Variants in LRRFIP1 observed in about 807,000 individuals in gnomAD.
The protein encoded by LRRFIP1 is LRR binding FLII interacting protein 1.
In LRRFIP1, 62 loss-of-function variants were observed where a neutral mutation model predicts 104.4. The observed-to-expected ratio is 0.59, with a 90% CI of 0.48 to 0.73. The LOEUF is 0.73. Among genes scored for constraint, LRRFIP1 ranks in the 30% least tolerant of loss-of-function variants. The probability of loss-of-function intolerance (pLI) is 0.00; values close to 1 mark genes in which losing one functional copy is unlikely to be tolerated. For synonymous variants in LRRFIP1, 300 were observed against 299.0 expected, an observed-to-expected ratio of 1.00 and a Z score of -0.03; for missense variants, 796 against 824.5, an observed-to-expected ratio of 0.97 and a Z score of 0.42.
intron 23 of LRRFIP1, 30 bp downstream of exon 23, chr2:237,774,492 G>C: frequency 7.0e-7 from 1 of 1,420,536 alleles, no homozygotes. Context: ...TCTAGGAAGA[G>C]AATGGCTGCC....
intron 1 of LRRFIP1, among the ~76,000 whole-genome samples, chr2:237,674,271 G>A (rs1431844483): frequency 1.3e-5 from 2 of 152,184 alleles, no homozygotes; most frequent in Admixed American, 6.5e-5. Flanking sequence ...GGGTATTACA[G>A]GAAAGAGCTC....
In LRRFIP1 at chr2:237,711,865, C is replaced by G. The variant is rs2094110886; in HGVS notation, c.184-2394C>G. Reference sequence around the variant, plus strand: ...AGGAAGCTGCCCTGGGAGACGAGAGCCAGACGAGGAAGGGCCAGCCCAGTC... The same window carrying G: ...AGGAAGCTGCCCTGGGAGACGAGAGGCAGACGAGGAAGGGCCAGCCCAGTC... On this transcript the variant is annotated intron_variant, in intron 2 of 23. Transcript: ENST00000308482. The surrounding 1 kb of genome is among the most constrained non-coding windows in gnomAD (Gnocchi z 4.4). Among the ~76,000 whole-genome samples, 2 of 152,198 alleles carry G rather than the reference C, an allele frequency of 1.3e-5. No individual in the cohort carries two copies. The highest frequency in any genetic ancestry group is 4.8e-5 in the African/African-American group (2 of 41,464).
chr2:237,633,574 G>A (rs1281148533), intron 1 of LRRFIP1, among the ~76,000 whole-genome samples: 5 of 152,162 alleles, frequency 3.3e-5, no homozygotes, highest in East Asian at 3.8e-4. Context: ...AGCCCTGCCC[G>A]TCCCCAGTGA....
chr2:237,666,878 C>A (rs1339742623), intron 1 of LRRFIP1, among the ~76,000 whole-genome samples: 1 of 144,034 alleles, frequency 6.9e-6, no homozygotes, highest in African/African-American at 2.6e-5. Context: ...CTCTTTCTCT[C>A]GCTCTGTTCC....
intron 1 of LRRFIP1, among the ~76,000 whole-genome samples, chr2:237,655,820 A>G (rs12614428): frequency 0.22 from 32,921 of 152,226 alleles, 4,033 homozygotes; most frequent in South Asian, 0.33. Flanking sequence ...TTAACCCTCA[A>G]TGGAGATAAT....
chr2:237,675,553 G>A (rs959088995), intron 1 of LRRFIP1, among the ~76,000 whole-genome samples: 1 of 152,060 alleles, frequency 6.6e-6, no homozygotes, highest in African/African-American at 2.4e-5. Flanking sequence ...CCGTTTCCTG[G>A]GCTGGGTTTA....
intron 10 of LRRFIP1, among the ~76,000 whole-genome samples, chr2:237,737,564 C>T (rs1430564927): frequency 6.6e-6 from 1 of 152,212 alleles, no homozygotes; most frequent in African/African-American, 2.4e-5. Context: ...GCTCTATTCA[C>T]AACAGTTCAC....
intron 23 of LRRFIP1, among the ~76,000 whole-genome samples, chr2:237,778,408 G>C (rs1465096096): frequency 6.6e-6 from 1 of 152,154 alleles, no homozygotes; most frequent in Non-Finnish European, 1.5e-5. Flanking sequence ...TGTGGGTCCA[G>C]ATGATGCCCT....
chr2:237,779,413 C>A lies in LRRFIP1; in HGVS notation c.1813-9C>A. On this transcript the variant is annotated splice_polypyrimidine_tract_variant and intron_variant, in intron 23 of 23. Coordinates refer to ENST00000308482, the MANE Select transcript of LRRFIP1 (RefSeq NM_001137550.2). The stretch of plus-strand genomic sequence containing the variant: ...TCCTTAAAGCTCACTGCCTTTCCTC[C>A]GTTCCCAGCTCCGCTCTGCATTGGA... The A allele has an allele frequency of 6.2e-7, 1 of 1,612,190 alleles. No individual in the cohort carries two copies. Among genetic ancestry groups the A allele is most frequent in the Non-Finnish European group, 8.5e-7 (1 of 1,178,868 alleles).
intron 1 of LRRFIP1, among the ~76,000 whole-genome samples, chr2:237,643,640 C>T (rs1023559168): frequency 6.6e-6 from 1 of 152,192 alleles, no homozygotes. Context: ...TGGCCAGGGC[C>T]CCCAGCCCGG....
chr2:237,752,511 G>C lies in LRRFIP1; in HGVS notation c.868-798G>C, dbSNP rs185125062. ...GGAGGTACAGAGCTAGACCAGCACT[G>C]GTCCCTCCAGCCCCCTGGTAGCCTC... On this transcript the variant is annotated intron_variant, in intron 14 of 23. Transcript: ENST00000308482. Among the ~76,000 whole-genome samples the C allele has an allele frequency of 4.6e-5, 7 of 152,328 alleles. No individual in the cohort carries two copies. In the East Asian group the frequency reaches 1.4e-3, roughly 29 times the overall value.
At position 237,687,536 on chromosome 2, in the gene LRRFIP1, G is replaced by A. The variant is rs148462613; in HGVS notation, c.97-21008G>A. 1.2e-3 allele frequency among the ~76,000 whole-genome samples: 180 copies of A among 150,526 alleles called. 4 individuals carry two copies. Among genetic ancestry groups the A allele is most frequent in the African/African-American group, 4.2e-3 (173 of 40,792 alleles). ...GGAGAATTGCTTGAGCCTGGGAGGC[G>A]GAGGCTGCAGTAAGCCAAGATCATG... On this transcript the variant is annotated intron_variant, in intron 1 of 23. Transcript: ENST00000308482.
intron 4 of LRRFIP1, among the ~76,000 whole-genome samples, chr2:237,718,294 A>G (rs2094417757): frequency 6.6e-6 from 1 of 152,148 alleles, no homozygotes; most frequent in Non-Finnish European, 1.5e-5. Flanking sequence ...CCTCATTTAG[A>G]CTTTATCTGC....
chr2:237,664,140 C>A (rs1473017908), intron 1 of LRRFIP1, among the ~76,000 whole-genome samples: 1 of 152,236 alleles, frequency 6.6e-6, no homozygotes, highest in Non-Finnish European at 1.5e-5. Flanking sequence ...AAGGGAGGGT[C>A]CTGGCGGCCT....
At chr2:237,728,515 G>A (rs1211375378) in intron 8 of LRRFIP1, among the ~76,000 whole-genome samples, 2 of 148,586 alleles carry the variant, frequency 1.3e-5, no homozygotes, top group South Asian at 2.2e-4. Context: ...AGTGGCAGGG[G>A]CATTAGGGAG....
chr2:237,632,495 C>T (rs2082524934), intron 1 of LRRFIP1, among the ~76,000 whole-genome samples: 1 of 152,226 alleles, frequency 6.6e-6, no homozygotes, highest in Non-Finnish European at 1.5e-5. Flanking sequence ...GCTTCTGGAA[C>T]CCAACATAAA....
chr2:237,662,652 T>C (rs1358085743), intron 1 of LRRFIP1, among the ~76,000 whole-genome samples: 1 of 152,120 alleles, frequency 6.6e-6, no homozygotes, highest in African/African-American at 2.4e-5. Flanking sequence ...TGGGACAGTT[T>C]TATGTTCCCA....
rs1171109793 is a variant in LRRFIP1 at position 237,756,133 on chromosome 2, A to G, written c.1077A>G (p.Gln359=). ...AAAAACACGCCCACAGTATACTGCA[A>G]TTTCAGTTTGCTGAAGTCAAGGAGG... ...EREKHAHSIL[Q]FQFAEVKEAL... The change falls in exon 16 of 24, where the codon CAA becomes CAG. Residue 359 remains glutamine, a synonymous_variant. Coordinates refer to ENST00000308482, the MANE Select transcript of LRRFIP1 (RefSeq NM_001137550.2). 7 of 1,613,964 alleles carry G rather than the reference A, an allele frequency of 4.3e-6. No individual in the cohort carries two copies. Among genetic ancestry groups the G allele is most frequent in the African/African-American group, 4.0e-5 (3 of 74,914 alleles).
intron 1 of LRRFIP1, among the ~76,000 whole-genome samples, chr2:237,646,722 G>A (rs549097880): frequency 6.6e-6 from 1 of 152,046 alleles, no homozygotes; most frequent in African/African-American, 2.4e-5. Flanking sequence ...TGCACACACA[G>A]TGTGGGCCGT....
Sources: allele counts gnomAD v4.1 joint callset (sites outside exome capture counted in the v4.1 genomes callset), GRCh38; gene constraint gnomAD v4.1.1; non-coding constraint Gnocchi (gnomAD v3.1); transcripts MANE v1.5; gene names NCBI Gene and HGNC (gene_info 2026-07-23, HGNC 2026-07-21).